The following FER variants were observed in gnomAD, a reference collection of about 807,000 sequenced individuals.
FER encodes FER tyrosine kinase, also known as tyrosine-protein kinase Fer.
FER carries 63 observed loss-of-function variants against 111.0 expected under a neutral mutation model. The ratio of observed to expected loss-of-function variants is 0.57; its 90% CI spans 0.46 to 0.70. The LOEUF is 0.70. FER is among the 30% of genes least tolerant of loss of function. FER has a pLI of 0.00. For missense variants in FER, 914 were observed against 954.0 expected (o/e 0.96, Z 0.55); for synonymous variants, 327 against 313.9 (o/e 1.04, Z -0.44).
intron 11 of FER, among the ~76,000 whole-genome samples, chr5:108,954,062 G>C (rs2149652606): frequency 6.6e-6 from 1 of 152,184 alleles, no homozygotes; most frequent in Middle Eastern, 3.4e-3. Flanking sequence ...CCATGCTCAT[G>C]GTTTATAACC....
At chr5:108,764,343 C>T (rs1341733930) in intron 1 of FER, among the ~76,000 whole-genome samples, 2 of 152,172 alleles carry the variant, frequency 1.3e-5, no homozygotes, top group Admixed American at 6.5e-5. Context: ...ATATCATGAA[C>T]AAGAAATTTT....
intron 9 of FER, among the ~76,000 whole-genome samples, chr5:108,896,034 A>G (rs1459575266): frequency 6.6e-6 from 1 of 151,898 alleles, no homozygotes; most frequent in East Asian, 1.9e-4. Flanking sequence ...CTCCCTGTTG[A>G]TTTTGCCCAC....
At chr5:108,874,024 T>G (rs1764859692) in intron 8 of FER, among the ~76,000 whole-genome samples, 1 of 152,222 alleles carries the variant, frequency 6.6e-6, no homozygotes, top group Admixed American at 6.5e-5. Flanking sequence ...TTCTTTTTAT[T>G]ATAATATTGC....
intron 1 of FER, among the ~76,000 whole-genome samples, chr5:108,757,794 A>G (rs1252904749): frequency 6.6e-6 from 1 of 152,238 alleles, no homozygotes; most frequent in East Asian, 1.9e-4. Context: ...CATAAACAAC[A>G]GTGTCCTAAC....
At chr5:109,077,584 T>C (rs528276749) in intron 16 of FER, among the ~76,000 whole-genome samples, 1 of 152,302 alleles carries the variant, frequency 6.6e-6, no homozygotes, top group South Asian at 2.1e-4. Context: ...CCATTTGCAT[T>C]GCAGGGTCTT....
At chr5:109,079,104 CCTT>C (rs138428774) in intron 16 of FER, among the ~76,000 whole-genome samples, 4,267 of 152,152 alleles carry the variant, frequency 0.028, 85 homozygotes, top group Middle Eastern at 0.1. Context: ...TATACATTCT[CCTT>C]GTTTATTTTT....
chr5:109,146,267 T>TCTATCTAATATATATATATTATCTATCTA (rs1365491582), intron 17 of FER, among the ~76,000 whole-genome samples: 1 of 79,172 alleles, frequency 1.3e-5, no homozygotes, highest in African/African-American at 5.6e-5. Flanking sequence ...TATATATATA[T>TCTATCTAATATATATATATTATCTATCTA]ATATATATAT....
chr5:108,898,063 GTTC>G (rs1334047035), intron 10 of FER, among the ~76,000 whole-genome samples: 1 of 152,110 alleles, frequency 6.6e-6, no homozygotes, highest in Admixed American at 6.6e-5. Context: ...AGAGGAAAAA[GTTC>G]TTCTCTTGCC....
chr5:109,152,156 A>G (rs1003307033), intron 17 of FER, among the ~76,000 whole-genome samples: 1 of 152,112 alleles, frequency 6.6e-6, no homozygotes, highest in Non-Finnish European at 1.5e-5. Context: ...GTAACCCTAC[A>G]TATTTATCTT....
chr5:109,054,951 TC>T (rs1773434949), intron 16 of FER, among the ~76,000 whole-genome samples: 1 of 152,202 alleles, frequency 6.6e-6, no homozygotes, highest in East Asian at 1.9e-4. Context: ...TCCTTTTGTC[TC>T]CATGCCAATA....
intron 16 of FER, among the ~76,000 whole-genome samples, chr5:109,095,399 A>C (rs3822685): frequency 6.6e-6 from 1 of 151,930 alleles, no homozygotes; most frequent in Non-Finnish European, 1.5e-5. Flanking sequence ...CTAATGTTTC[A>C]GTTTGTTTCT....
At chr5:108,787,528 G>A (rs144901288) in intron 2 of FER, among the ~76,000 whole-genome samples, 4 of 152,356 alleles carry the variant, frequency 2.6e-5, no homozygotes, top group East Asian at 1.9e-4. Flanking sequence ...GTGGCCCAGA[G>A]TGAGAACTTC....
At chr5:109,184,026 T>G (rs1217224707) in intron 18 of FER, among the ~76,000 whole-genome samples, 2 of 152,174 alleles carry the variant, frequency 1.3e-5, no homozygotes, top group Non-Finnish European at 2.9e-5. Flanking sequence ...GGTAGAATAC[T>G]CAACACCTGT....
At chr5:108,951,507 C>T (rs1035166745) in intron 11 of FER, among the ~76,000 whole-genome samples, 3 of 151,824 alleles carry the variant, frequency 2.0e-5, no homozygotes, top group African/African-American at 7.3e-5. Context: ...TCTTTGTCAC[C>T]CTAGTGTATT....
At chr5:108,876,898 A>G (rs1229780820) in intron 8 of FER, among the ~76,000 whole-genome samples, 1 of 152,188 alleles carries the variant, frequency 6.6e-6, no homozygotes, top group Admixed American at 6.5e-5. Flanking sequence ...TTACGATAAC[A>G]TGTGCCCAGT....
At chr5:108,832,652 T>G (rs1760163515) in intron 3 of FER, 118 bp from the exon 4 acceptor site, 1 of 689,014 alleles carries the variant, frequency 1.5e-6, no homozygotes, top group Admixed American at 4.1e-5. Flanking sequence ...GAAACCTATT[T>G]TTTATATTAA....
At chr5:108,901,360 A>G (rs1749988843) in intron 10 of FER, among the ~76,000 whole-genome samples, 1 of 152,182 alleles carries the variant, frequency 6.6e-6, no homozygotes, top group African/African-American at 2.4e-5. Context: ...GATTATAATG[A>G]TTAAAGAATT....
intron 13 of FER, among the ~76,000 whole-genome samples, chr5:109,023,807 G>A (rs1384365663): frequency 6.6e-6 from 1 of 152,100 alleles, no homozygotes; most frequent in East Asian, 1.9e-4. Flanking sequence ...TTGAATGAAT[G>A]AATGAGCAGT....
chr5:109,146,233 AATAT>A (rs1270063074), intron 17 of FER, among the ~76,000 whole-genome samples: 2 of 89,278 alleles, frequency 2.2e-5, no homozygotes, highest in African/African-American at 4.4e-5. Flanking sequence ...TTATCTATCT[AATAT>A]ATATATAATC....
Sources: allele counts gnomAD v4.1 joint callset (sites outside exome capture counted in the v4.1 genomes callset), GRCh38; gene constraint gnomAD v4.1.1; transcripts MANE v1.5; gene names NCBI Gene and HGNC (gene_info 2026-07-23, HGNC 2026-07-21).